The following TMEM132D variants were observed in gnomAD, a reference collection of about 807,000 sequenced individuals.
The protein encoded by TMEM132D is mature OL transmembrane protein.
Under a neutral mutation model 62.3 loss-of-function variants are expected in TMEM132D, and 21 were observed. The observed-to-expected ratio is 0.34, with a 90% confidence interval of 0.24 to 0.49. The LOEUF (loss-of-function observed/expected upper bound fraction) is 0.49. TMEM132D is among the 20% of genes least tolerant of loss of function. The probability of loss-of-function intolerance (pLI) is 0.99; values close to 1 mark genes in which losing one functional copy is unlikely to be tolerated. For missense variants in TMEM132D, 1,346 were observed against 1,402.8 expected (o/e 0.96, Z 0.65); for synonymous variants, 621 against 575.6 (o/e 1.08, Z -1.13).
In TMEM132D at chr12:129,639,575, C is replaced by A. The variant is rs559641880; in HGVS notation, c.968+60235G>T. 3.0e-4 allele frequency among the ~76,000 whole-genome samples: 45 copies of A among 152,100 alleles called. No individual in the cohort carries two copies. The South Asian group carries it at 6.9e-3, about 23-fold the overall frequency. On this transcript the variant is annotated intron_variant, in intron 2 of 8. Coordinates refer to ENST00000422113, the MANE Select transcript of TMEM132D (RefSeq NM_133448.3). ...TGGCCCAGAACACGGGGAGAACCTTCCACCTGTGGCCAGCATTTGCACCTG... is the reference window on the plus strand; with the variant it reads ...TGGCCCAGAACACGGGGAGAACCTTACACCTGTGGCCAGCATTTGCACCTG...
intron 1 of TMEM132D, among the ~76,000 whole-genome samples, chr12:129,863,029 A>G (rs1873946936): frequency 6.6e-6 from 1 of 152,202 alleles, no homozygotes; most frequent in Non-Finnish European, 1.5e-5. Flanking sequence ...AAGGCCATTC[A>G]TCAATTCATT....
intron 5 of TMEM132D, among the ~76,000 whole-genome samples, chr12:129,176,553 A>AG (rs1457658761): frequency 3.3e-5 from 5 of 152,232 alleles, no homozygotes; most frequent in Admixed American, 3.3e-4. Flanking sequence ...TGATCTAGGG[A>AG]GGGGACTCCT....
At chr12:129,470,694 T>G (rs961926439) in intron 3 of TMEM132D, among the ~76,000 whole-genome samples, 9 of 152,172 alleles carry the variant, frequency 5.9e-5, no homozygotes, top group Non-Finnish European at 1.3e-4. Flanking sequence ...ATTGACAACA[T>G]GAAAATTATT....
In TMEM132D at chr12:129,259,082, C is replaced by T. The variant is rs141380565; in HGVS notation, c.1300-49419G>A. On this transcript the variant is annotated intron_variant, in intron 4 of 8. Coordinates refer to ENST00000422113, the MANE Select transcript of TMEM132D (RefSeq NM_133448.3). ...ACCATACAGCAGGGTTGTAGACACT[C>T]CAGGGCCTCTTATCTAGTCATCACC... 3.6e-3 allele frequency among the ~76,000 whole-genome samples: 549 copies of T among 152,282 alleles called. 2 individuals carry two copies. The highest frequency in any genetic ancestry group is 6.5e-3 in the Non-Finnish European group (440 of 68,014).
intron 3 of TMEM132D, among the ~76,000 whole-genome samples, chr12:129,342,015 G>C (rs537003688): frequency 6.6e-6 from 1 of 152,246 alleles, no homozygotes; most frequent in South Asian, 2.1e-4. Flanking sequence ...GTCATTTACA[G>C]ATTCAATGCC....
intron 5 of TMEM132D, among the ~76,000 whole-genome samples, chr12:129,147,994 C>T (rs530025877): frequency 8.5e-5 from 13 of 152,288 alleles, no homozygotes; most frequent in East Asian, 1.9e-4. Context: ...AGAGCCCATG[C>T]GCTTAAACAG....
chr12:129,718,246 G>T (rs1371485883), intron 1 of TMEM132D, among the ~76,000 whole-genome samples: 2 of 152,238 alleles, frequency 1.3e-5, no homozygotes, highest in Non-Finnish European at 2.9e-5. Context: ...AACAGGCAAA[G>T]TGGCCAGGCT....
At chr12:129,240,075 G>A (rs980709244) in intron 4 of TMEM132D, among the ~76,000 whole-genome samples, 6 of 152,078 alleles carry the variant, frequency 3.9e-5, no homozygotes, top group Non-Finnish European at 8.8e-5. Flanking sequence ...CTAGCATTAG[G>A]GATAAAAGTT....
At chr12:129,299,389 A>G (rs74842109) in intron 4 of TMEM132D, among the ~76,000 whole-genome samples, 4,275 of 151,880 alleles carry the variant, frequency 0.028, 191 homozygotes, top group African/African-American at 0.098. Flanking sequence ...GGAAGTCAAT[A>G]AATGTCTCTT....
At chr12:129,474,304 G>T (rs558597625) in intron 3 of TMEM132D, among the ~76,000 whole-genome samples, 9 of 152,294 alleles carry the variant, frequency 5.9e-5, no homozygotes, top group Admixed American at 2.6e-4. Context: ...TTGAGTGCTT[G>T]CTCTGGGCCA....
intron 1 of TMEM132D, among the ~76,000 whole-genome samples, chr12:129,710,918 T>C (rs1361235788): frequency 6.6e-6 from 1 of 151,830 alleles, no homozygotes; most frequent in Admixed American, 6.6e-5. Flanking sequence ...GCACGCTGCC[T>C]CTCCCCTACC....
intron 1 of TMEM132D, among the ~76,000 whole-genome samples, chr12:129,854,235 G>T (rs1873642308): frequency 6.6e-6 from 1 of 152,188 alleles, no homozygotes. Flanking sequence ...CTTTCACTAT[G>T]TCCCAGGCAC....
intron 2 of TMEM132D, among the ~76,000 whole-genome samples, chr12:129,665,007 CT>C (rs1184787507): frequency 2.0e-5 from 3 of 152,080 alleles, no homozygotes; most frequent in African/African-American, 7.2e-5. Flanking sequence ...CCCAGGCATC[CT>C]GTCTCCAGAG....
intron 2 of TMEM132D, among the ~76,000 whole-genome samples, chr12:129,596,462 C>G (rs899862037): frequency 6.6e-6 from 1 of 151,988 alleles, no homozygotes; most frequent in Non-Finnish European, 1.5e-5. Context: ...CCCTTGGTAT[C>G]GGTGGGGAAT....
Position 129,700,253 on chromosome 12 carries a change from C to T in TMEM132D, c.525G>A (p.Glu175=), listed in dbSNP as rs775543841. 6.8e-6 allele frequency: 11 copies of T among 1,613,154 alleles called. No individual in the cohort carries two copies. Among genetic ancestry groups the T allele is most frequent in the Admixed American group, 5.0e-5 (3 of 60,006 alleles). Residue 175 remains glutamate (E), a synonymous_variant, in exon 2 of 9, where the codon GAG becomes GAA. Coordinates refer to ENST00000422113, the MANE Select transcript of TMEM132D (RefSeq NM_133448.3). ...GGCAGCTGCCCCGCACCTCTCGGGT[C>T]TCTCGGAAAGCAAAGACCCTCAGGC... is the stretch of plus-strand genomic sequence containing the variant. ...LPCLRVFAFR[E]TREVRGSCRL...
At chr12:129,223,558 C>T (rs769584817) in intron 4 of TMEM132D, among the ~76,000 whole-genome samples, 29 of 152,228 alleles carry the variant, frequency 1.9e-4, no homozygotes, top group Non-Finnish European at 3.1e-4. Context: ...CCCCCGGAGC[C>T]ATATGGCAGA....
At chr12:129,169,144 C>G (rs548966173) in intron 5 of TMEM132D, among the ~76,000 whole-genome samples, 41 of 152,244 alleles carry the variant, frequency 2.7e-4, no homozygotes, top group African/African-American at 9.4e-4. Flanking sequence ...CAGCCCCCAG[C>G]CCTAGAGTTT....
chr12:129,495,551 A>G (rs1874924936), intron 3 of TMEM132D, among the ~76,000 whole-genome samples: 2 of 152,186 alleles, frequency 1.3e-5, no homozygotes, highest in Admixed American at 1.3e-4. Flanking sequence ...GAGCTAGACA[A>G]GGCCACGCCC....
chr12:129,678,770 A>C (rs1230870999), intron 2 of TMEM132D, among the ~76,000 whole-genome samples: 1 of 152,076 alleles, frequency 6.6e-6, no homozygotes, highest in Non-Finnish European at 1.5e-5. Flanking sequence ...TTTCCTTTTA[A>C]TGCCCAATTG....
Sources: allele counts gnomAD v4.1 joint callset (sites outside exome capture counted in the v4.1 genomes callset), GRCh38; gene constraint gnomAD v4.1.1; transcripts MANE v1.5; gene names NCBI Gene and HGNC (gene_info 2026-07-23, HGNC 2026-07-21).